DNAH11: variants seen among roughly 807,000 people sequenced by gnomAD.
DNAH11 encodes axonemal beta dynein heavy chain 11.
In DNAH11, 442 loss-of-function variants were observed where a neutral mutation model predicts 526.0. The observed-to-expected ratio is 0.84, with a 90% CI of 0.78 to 0.91. The LOEUF (loss-of-function observed/expected upper bound fraction) is 0.91. DNAH11 is among the 40% of genes least tolerant of loss of function. DNAH11 has a pLI of 0.00. For missense variants in DNAH11, 6,989 were observed against 5,448.7 expected (o/e 1.28, Z -8.90); for synonymous variants, 2,461 against 1,935.9 (o/e 1.27, Z -7.12).
At chr7:21,615,019 CAA>C (rs1288418486) in intron 20 of DNAH11, 93 bp from the exon 21 acceptor site, 66 of 1,341,420 alleles carry the variant, frequency 4.9e-5, no homozygotes, top group Non-Finnish European at 5.9e-5. Flanking sequence ...CGTTAAAAAT[CAA>C]AGATTGAAAT....
At chr7:21,632,332 C>G (rs1023310387) in intron 25 of DNAH11, among the ~76,000 whole-genome samples, 1 of 152,302 alleles carries the variant, frequency 6.6e-6, no homozygotes, top group African/African-American at 2.4e-5. Flanking sequence ...GATTAACATT[C>G]AGCTCCTGGT....
chr7:21,786,929 T>C (rs964302533), intron 59 of DNAH11, among the ~76,000 whole-genome samples, 162 bp downstream of exon 59: 1 of 152,208 alleles, frequency 6.6e-6, no homozygotes. Flanking sequence ...ACAGCTTTTG[T>C]TTGCCAAGTT....
At chr7:21,729,692 G>T (rs1321359268) in intron 45 of DNAH11, among the ~76,000 whole-genome samples, 2 of 97,226 alleles carry the variant, frequency 2.1e-5, no homozygotes, top group Non-Finnish European at 4.6e-5. Context: ...TTTTCTGCCA[G>T]TGTCAAGTAA....
chr7:21,656,373 G>A (rs1441018156), intron 29 of DNAH11, among the ~76,000 whole-genome samples: 1 of 152,152 alleles, frequency 6.6e-6, no homozygotes, highest in Non-Finnish European at 1.5e-5. Flanking sequence ...TTGCAATAAA[G>A]CTTGTTTTAA....
At chr7:21,897,949 T>C (rs1462691690) in intron 79 of DNAH11, among the ~76,000 whole-genome samples, 1 of 152,222 alleles carries the variant, frequency 6.6e-6, no homozygotes, top group Admixed American at 6.5e-5. Context: ...GCTTTCACTC[T>C]AACCCTTTAC....
At chr7:21,754,556 G>A (rs889379434) in intron 54 of DNAH11, among the ~76,000 whole-genome samples, 3 of 149,226 alleles carry the variant, frequency 2.0e-5, no homozygotes, top group Non-Finnish European at 4.5e-5. Flanking sequence ...AGTTAGATGT[G>A]GATAATTTCC....
chr7:21,860,799 G>C (rs1300121417), intron 68 of DNAH11, among the ~76,000 whole-genome samples: 1 of 152,166 alleles, frequency 6.6e-6, no homozygotes, highest in East Asian at 1.9e-4. Flanking sequence ...AGGTTTAGTG[G>C]AGTCACAGTT....
chr7:21,638,176 G>C (rs988202327), intron 27 of DNAH11, among the ~76,000 whole-genome samples: 3 of 152,144 alleles, frequency 2.0e-5, no homozygotes, highest in Non-Finnish European at 4.4e-5. Context: ...ATAAGAGTTA[G>C]TGGTCGTAAG....
At chr7:21,563,236 T>C (rs1369549559) in intron 5 of DNAH11, among the ~76,000 whole-genome samples, 2 of 152,090 alleles carry the variant, frequency 1.3e-5, no homozygotes, top group Admixed American at 1.3e-4. Flanking sequence ...GGAGACAGGG[T>C]CTTGCTCTGT....
chr7:21,753,388 A>G (rs1786494748), intron 54 of DNAH11, among the ~76,000 whole-genome samples: 1 of 152,180 alleles, frequency 6.6e-6, no homozygotes, highest in Admixed American at 6.5e-5. Flanking sequence ...CATTGCCTTT[A>G]TGAGTACAAT....
At chr7:21,674,732 C>G (rs1782799479) in intron 30 of DNAH11, among the ~76,000 whole-genome samples, 1 of 152,066 alleles carries the variant, frequency 6.6e-6, no homozygotes, top group Admixed American at 6.6e-5. Context: ...GTCTACATCT[C>G]TCTCCTGAAG....
chr7:21,821,617 T>C (rs1200070486), intron 65 of DNAH11, among the ~76,000 whole-genome samples: 2 of 152,142 alleles, frequency 1.3e-5, no homozygotes, highest in African/African-American at 4.8e-5. Flanking sequence ...TGGGGGTACA[T>C]GAGATATTTT....
At chr7:21,586,993 A>C (rs77174685) in intron 9 of DNAH11, among the ~76,000 whole-genome samples, 6,362 of 152,312 alleles carry the variant, frequency 0.042, 145 homozygotes, top group South Asian at 0.064. Flanking sequence ...CTTGTAACTC[A>C]GTTTCCTCAC....
intron 71 of DNAH11, among the ~76,000 whole-genome samples, chr7:21,866,899 A>G (rs1406313239): frequency 6.6e-6 from 1 of 152,194 alleles, no homozygotes; most frequent in African/African-American, 2.4e-5. Context: ...TCAGTACTGG[A>G]GACAGGGGAC....
At chr7:21,577,208 GA>G (rs1784129154) in intron 8 of DNAH11, among the ~76,000 whole-genome samples, 1 of 152,200 alleles carries the variant, frequency 6.6e-6, no homozygotes, top group Non-Finnish European at 1.5e-5. Flanking sequence ...GCTCAAGAAG[GA>G]GAGAGCTTAA....
chr7:21,855,175 G>T (rs532991619), intron 68 of DNAH11, among the ~76,000 whole-genome samples: 24 of 152,100 alleles, frequency 1.6e-4, no homozygotes, highest in African/African-American at 5.8e-4. Flanking sequence ...GGGACTACAG[G>T]TGTCCGCCAC....
chr7:21,795,034 GA>G (rs1231886697), intron 61 of DNAH11, among the ~76,000 whole-genome samples: 24 of 152,302 alleles, frequency 1.6e-4, no homozygotes, highest in Admixed American at 1.2e-3. Context: ...TGTTGCTGGT[GA>G]TAGTCTTAGC....
intron 61 of DNAH11, among the ~76,000 whole-genome samples, chr7:21,798,326 C>G (rs183412635): frequency 6.2e-4 from 94 of 152,314 alleles, no homozygotes; most frequent in African/African-American, 2.2e-3. Context: ...GAAGTCCTGA[C>G]CTCAGGTGAT....
In DNAH11 at chr7:21,699,992, CAAGG is replaced by C. The variant is rs138165563; in HGVS notation, c.6180+1783_6180+1786del. ...AGAATGAAAAGATTATCAGAGTTTT[CAAGG>C]AAGAAAGGAACCAATATTTATTGAA... On this transcript the variant is annotated intron_variant, in intron 36 of 81. Coordinates refer to ENST00000409508, the MANE Select transcript of DNAH11 (RefSeq NM_001277115.2). 4.2e-3 allele frequency among the ~76,000 whole-genome samples: 645 copies of C among 152,086 alleles called. 4 individuals carry two copies. The highest frequency in any genetic ancestry group is 0.015 in the African/African-American group (607 of 41,484).
Sources: allele counts gnomAD v4.1 joint callset (sites outside exome capture counted in the v4.1 genomes callset), GRCh38; gene constraint gnomAD v4.1.1; transcripts MANE v1.5; gene names NCBI Gene and HGNC (gene_info 2026-07-23, HGNC 2026-07-21).